Variants in FANCA observed in about 807,000 individuals in gnomAD.
The protein encoded by FANCA is FA complementation group A, also known as Fanconi anemia group A protein.
In FANCA, 236 loss-of-function variants were observed where a neutral mutation model predicts 194.3. The ratio of observed to expected loss-of-function variants is 1.21; its 90% CI spans 1.09 to 1.35. The LOEUF (loss-of-function observed/expected upper bound fraction) is 1.35, where lower values mean the gene tolerates loss of function less well. FANCA is among the 40% of genes most tolerant of loss of function. FANCA has a pLI of 0.00. For missense variants in FANCA, 2,628 were observed against 1,813.9 expected, an observed-to-expected ratio of 1.45 and a Z score of -8.15; for synonymous variants, 1,014 against 715.8, an observed-to-expected ratio of 1.42 and a Z score of -6.65.
chr16:89,738,870 T>G lies in FANCA; in HGVS notation c.4260+12A>C, dbSNP rs1298529768. The G allele has an allele frequency of 6.2e-7, 1 of 1,614,232 alleles. No homozygotes were observed. Among genetic ancestry groups the G allele is most frequent in the South Asian group, 1.1e-5 (1 of 91,092 alleles). ...TCCCCCACATGGCCCAAGGTGGGCA[T>G]CTTGACGTTACCTCTGCCACGTGTG... On this transcript the variant is annotated intron_variant, in intron 42 of 42. Transcript: ENST00000389301.
intron 14 of FANCA, among the ~76,000 whole-genome samples, chr16:89,789,627 C>T (rs1314136751): frequency 2.7e-4 from 41 of 151,714 alleles, no homozygotes; most frequent in Non-Finnish European, 2.5e-4. Flanking sequence ...CTGTAGAGAC[C>T]GGGGTCTCAC....
At position 89,779,973 on chromosome 16, in the gene FANCA, G is replaced by A. The variant is rs149936677; in HGVS notation, c.1627-16C>T. The A allele has an allele frequency of 6.2e-7, 1 of 1,610,692 alleles. No homozygotes were observed. Among genetic ancestry groups the A allele is most frequent in the Non-Finnish European group, 8.5e-7 (1 of 1,176,864 alleles). ...GGCTGTGGGGCTGGTTCCCATACAGGGAGGAAAGGAAAAAGAACAGAGGAC... is the reference window on the plus strand; with the variant it reads ...GGCTGTGGGGCTGGTTCCCATACAGAGAGGAAAGGAAAAAGAACAGAGGAC... On this transcript the variant is annotated splice_polypyrimidine_tract_variant and intron_variant, in intron 17 of 42. Coordinates refer to ENST00000389301, the MANE Select transcript of FANCA (RefSeq NM_000135.4).
At chr16:89,806,595 T>C (rs546125061) in intron 6 of FANCA, among the ~76,000 whole-genome samples, 21 of 152,096 alleles carry the variant, frequency 1.4e-4, no homozygotes, top group African/African-American at 3.9e-4. Flanking sequence ...ACAAAGCATA[T>C]CTTGCACCGC....
chr16:89,759,318 T>TTAAAAAAAAAAAAAAAAAAAAAAAAA (rs1224981781), intron 29 of FANCA, among the ~76,000 whole-genome samples: 2 of 75,180 alleles, frequency 2.7e-5, no homozygotes, highest in Non-Finnish European at 5.1e-5. Context: ...AGACTCCGTC[T>TTAAAAAAAAAAAAAAAAAAAAAAAAA]AAAAAAAAAA....
chr16:89,749,659 C>T (rs2038511683), intron 32 of FANCA, 71 bp downstream of exon 32: 7 of 1,545,930 alleles, frequency 4.5e-6, no homozygotes, highest in African/African-American at 1.4e-5. Flanking sequence ...CTACAAAGAA[C>T]CTCTAGGACC....
rs1330426427 is a variant in FANCA, at chr16:89,793,990, C to T, written c.1007-1443G>A. Among the ~76,000 whole-genome samples the T allele has an allele frequency of 2.6e-5, 4 of 151,958 alleles. No individual in the cohort carries two copies. In the South Asian group the frequency reaches 8.3e-4, roughly 32 times the overall value. On this transcript the variant is annotated intron_variant, in intron 11 of 42. Coordinates refer to ENST00000389301, the MANE Select transcript of FANCA (RefSeq NM_000135.4). Reference sequence around the variant, plus strand: ...TGGTCTCGAACTTCTGACCTCGTGACCTGCCCGTCTCAGCCTCCCAAAATG... The same window carrying T: ...TGGTCTCGAACTTCTGACCTCGTGATCTGCCCGTCTCAGCCTCCCAAAATG...
intron 36 of FANCA, among the ~76,000 whole-genome samples, chr16:89,743,200 CT>C (rs1598063872): frequency 6.6e-6 from 1 of 152,182 alleles, no homozygotes; most frequent in African/African-American, 2.4e-5. Flanking sequence ...TCCTGTCTAC[CT>C]TGCCCTGTGC....
chr16:89,746,822 G>A lies in FANCA; in HGVS notation c.3408+9C>T, dbSNP rs377702890. The A allele has an allele frequency of 1.3e-6, 2 of 1,567,856 alleles. No homozygotes were observed. The highest frequency in any genetic ancestry group is 8.7e-7 in the Non-Finnish European group (1 of 1,155,272). The stretch of plus-strand genomic sequence containing the variant: ...GAAGGCCACGAGAGGGGCTGAGGGA[G>A]CATCTCACCCTGAAGAAGTGGGCAG... On this transcript the variant is annotated intron_variant, in intron 34 of 42. Transcript: ENST00000389301.
chr16:89,793,644 G>A (rs1293961024), intron 11 of FANCA, among the ~76,000 whole-genome samples: 1 of 152,182 alleles, frequency 6.6e-6, no homozygotes, highest in South Asian at 2.1e-4. Context: ...CCAGGCTGGA[G>A]TGCAGTGCTC....
intron 17 of FANCA, among the ~76,000 whole-genome samples, chr16:89,780,396 C>A (rs1476809872): frequency 1.3e-5 from 2 of 152,116 alleles, no homozygotes; most frequent in African/African-American, 4.8e-5. Flanking sequence ...CTAAGCGGGG[C>A]AGACTGCTTA....
intron 17 of FANCA, among the ~76,000 whole-genome samples, chr16:89,782,254 G>C (rs1260371436): frequency 6.7e-6 from 1 of 148,570 alleles, no homozygotes; most frequent in Non-Finnish European, 1.5e-5. Context: ...GCGGGCGCCT[G>C]TAATCCCAGC....
At chr16:89,768,988 TC>T (rs2039226348) in intron 26 of FANCA, among the ~76,000 whole-genome samples, 1 of 152,094 alleles carries the variant, frequency 6.6e-6, no homozygotes, top group Non-Finnish European at 1.5e-5. Flanking sequence ...GGACTCTGTA[TC>T]CCCGGAGTAC....
intron 36 of FANCA, among the ~76,000 whole-genome samples, chr16:89,744,266 A>G (rs943881755): frequency 3.9e-5 from 6 of 152,178 alleles, no homozygotes; most frequent in African/African-American, 1.4e-4. Context: ...CAGTGATTCA[A>G]AACTAGTCAC....
At position 89,739,516 on chromosome 16, in the gene FANCA, C is replaced by G. The variant is rs1446370085; in HGVS notation, c.3972G>C (p.Pro1324=). ...RLGRLLLRVA[P]DQHTRLLPFA... Reference sequence around the variant, plus strand: ...AAGGCAGCAGCCTGGTGTGCTGATCCGGGGCCACACGGAGGAGGAGCCGCC... The same window carrying G: ...AAGGCAGCAGCCTGGTGTGCTGATCGGGGGCCACACGGAGGAGGAGCCGCC... The change falls in exon 40 of 43, where the codon CCG becomes CCC. Residue 1324 remains proline (P), a synonymous_variant. Coordinates refer to ENST00000389301, the MANE Select transcript of FANCA (RefSeq NM_000135.4). 7 of 1,551,204 alleles carry G rather than the reference C, an allele frequency of 4.5e-6. No homozygotes were observed. In the East Asian group the frequency reaches 1.2e-4, roughly 27 times the overall value.
rs17226082 is a variant in FANCA at position 89,795,747 on chromosome 16, G to C, written c.1006+159C>G. 0.054 allele frequency among the ~76,000 whole-genome samples: 8,244 copies of C among 152,298 alleles called. 275 individuals are homozygous for C. Among genetic ancestry groups the C allele is most frequent in the Non-Finnish European group, 0.087 (5,934 of 68,022 alleles). ...TTGCTTTCAGGTAAAAGGATATTTA[G>C]TAACAATCTCAGGCATCTGAGGACC... On this transcript the variant is annotated intron_variant, in intron 11 of 42. Coordinates refer to ENST00000389301, the MANE Select transcript of FANCA (RefSeq NM_000135.4).
At chr16:89,811,102 C>A in intron 3 of FANCA, 31 bp from the exon 4 acceptor site, 1 of 1,613,508 alleles carries the variant, frequency 6.2e-7, no homozygotes, top group Non-Finnish European at 8.5e-7. Context: ...ATAGCTTTCT[C>A]TTAACACATG....
In FANCA at chr16:89,769,863, C is replaced by T. The variant is rs147283549; in HGVS notation, c.2478G>A (p.Thr826=). ...ALFDSLLTCR[T]RDSLFFCLKF... ...TCAGGCAGAAGAACAAGGAATCCCT[C>T]GTCCTACAGGTCAGGAGGCTGTCAA... is the stretch of plus-strand genomic sequence containing the variant. Residue 826 remains threonine (T), a synonymous_variant, in exon 26 of 43, where the codon ACG becomes ACA. Coordinates refer to ENST00000389301, the MANE Select transcript of FANCA (RefSeq NM_000135.4). 6.3e-5 allele frequency: 102 copies of T among 1,614,120 alleles called. No individual in the cohort carries two copies. In the African/African-American group the frequency reaches 1.2e-3, roughly 18 times the overall value.
At chr16:89,798,734 G>GAT in intron 10 of FANCA, 1 of 1,349,432 alleles carries the variant, frequency 7.4e-7, no homozygotes, top group Non-Finnish European at 9.6e-7. Flanking sequence ...ATCTGAGCAG[G>GAT]ATCTGTGGAG....
chr16:89,777,201 G>A (rs889900505), intron 20 of FANCA, among the ~76,000 whole-genome samples: 1 of 151,880 alleles, frequency 6.6e-6, no homozygotes, highest in Admixed American at 6.6e-5. Context: ...GAGGCGGAGG[G>A]GGAAGGATTG....
Sources: gnomAD v4.1 joint callset for allele counts (sites outside exome capture counted in the v4.1 genomes callset) on GRCh38, gnomAD v4.1.1 for gene constraint, MANE v1.5 for transcripts, NCBI Gene and HGNC (gene_info 2026-07-23, HGNC 2026-07-21) for gene names.